CDH18: variants seen among roughly 807,000 people sequenced by gnomAD.
The protein encoded by CDH18 is cadherin-18.
In CDH18, 31 loss-of-function variants were observed where a neutral mutation model predicts 67.9. The ratio of observed to expected loss-of-function variants is 0.46; its 90% CI spans 0.34 to 0.62. CDH18 has a LOEUF of 0.62. Among genes scored for constraint, CDH18 ranks in the 20% least tolerant of loss-of-function variants. The probability of loss-of-function intolerance (pLI) is 0.01; values close to 1 mark genes in which losing one functional copy is unlikely to be tolerated. For synonymous variants in CDH18, 362 were observed against 347.2 expected (o/e 1.04, Z -0.48); for missense variants, 890 against 975.5 (o/e 0.91, Z 1.17).
At chr5:19,691,651 C>T (rs976952706) in intron 5 of CDH18, among the ~76,000 whole-genome samples, 1 of 151,442 alleles carries the variant, frequency 6.6e-6, no homozygotes, top group African/African-American at 2.4e-5. Flanking sequence ...TATAAAAATA[C>T]CTAGGAATAA....
At chr5:19,624,123 T>C (rs1751142422) in intron 5 of CDH18, among the ~76,000 whole-genome samples, 1 of 151,590 alleles carries the variant, frequency 6.6e-6, no homozygotes, top group South Asian at 2.1e-4. Flanking sequence ...TTCTCCTGTC[T>C]CAGTCTCCCG....
At chr5:20,279,475 G>A (rs980902667) in intron 1 of CDH18, among the ~76,000 whole-genome samples, 2 of 151,772 alleles carry the variant, frequency 1.3e-5, no homozygotes, top group Admixed American at 6.6e-5. Context: ...GAGGCAGGTG[G>A]ATCACCTGAG....
rs535004918 is a variant in CDH18 at position 19,952,607 on chromosome 5, T to C, written c.-257+28453A>G. On this transcript the variant is annotated intron_variant, in intron 2 of 12. Coordinates refer to ENST00000382275, the MANE Select transcript of CDH18 (RefSeq NM_004934.5). Reference sequence around the variant, plus strand: ...GTTTATTTCACAGAATAAATAAACATATTAATATCCTTAAAAATAAAACTA... The same window carrying C: ...GTTTATTTCACAGAATAAATAAACACATTAATATCCTTAAAAATAAAACTA... Among the ~76,000 whole-genome samples, 5 of 152,290 alleles carry C rather than the reference T, an allele frequency of 3.3e-5. No homozygotes were observed. In the South Asian group the frequency reaches 1.0e-3, roughly 32 times the overall value.
intron 2 of CDH18, among the ~76,000 whole-genome samples, chr5:19,910,339 C>T (rs1415528390): frequency 6.6e-6 from 1 of 152,116 alleles, no homozygotes; most frequent in Non-Finnish European, 1.5e-5. Flanking sequence ...TTATATCACC[C>T]CAGAGTGCAA....
At chr5:20,559,685 G>A (rs781504560) in intron 1 of CDH18, among the ~76,000 whole-genome samples, 30 of 151,990 alleles carry the variant, frequency 2.0e-4, no homozygotes, top group Middle Eastern at 3.2e-3. Context: ...ACAGAAATGT[G>A]AAGAATATTG....
chr5:19,747,651 G>GA (rs952435662), intron 3 of CDH18, among the ~76,000 whole-genome samples: 2 of 150,254 alleles, frequency 1.3e-5, no homozygotes, highest in Non-Finnish European at 3.0e-5. Context: ...TTTATGACTA[G>GA]AAAAAAAATA....
At position 20,009,660 on chromosome 5, in the gene CDH18, A is replaced by C. The variant is rs1399169839; in HGVS notation, c.-517-17646T>G. ...ATAAAAAGTCAAATAATTATTGTAA[A>C]AGAGGTTCATGATAACAGGAGAGCA... On this transcript the variant is annotated intron_variant, in intron 2 of 14. Coordinates refer to the CDH18 transcript ENST00000507958. Among the ~76,000 whole-genome samples the C allele has an allele frequency of 3.9e-5, 6 of 152,292 alleles. No individual in the cohort carries two copies. The East Asian group carries it at 1.2e-3, about 29-fold the overall frequency.
chr5:20,167,133 T>A (rs147971813), intron 2 of CDH18, among the ~76,000 whole-genome samples: 173 of 152,270 alleles, frequency 1.1e-3, no homozygotes, highest in Middle Eastern at 3.4e-3. Context: ...TATATGATTA[T>A]CAAAAATTAT....
intron 1 of CDH18, among the ~76,000 whole-genome samples, chr5:20,449,408 G>A (rs1438989944): frequency 4.0e-5 from 6 of 151,858 alleles, no homozygotes; most frequent in Non-Finnish European, 8.8e-5. Flanking sequence ...GAGAATATAA[G>A]ACTAAACATA....
chr5:20,207,209 G>A (rs996209505), intron 2 of CDH18, among the ~76,000 whole-genome samples: 3 of 151,640 alleles, frequency 2.0e-5, no homozygotes, highest in Non-Finnish European at 4.4e-5. Flanking sequence ...ATTGAACAAT[G>A]TGAAAAAAAT....
At chr5:19,855,258 C>T (rs971436743) in intron 2 of CDH18, among the ~76,000 whole-genome samples, 1 of 152,090 alleles carries the variant, frequency 6.6e-6, no homozygotes, top group African/African-American at 2.4e-5. Flanking sequence ...AATCACCTTT[C>T]GGGTACCAAT....
At chr5:20,308,837 A>G (rs1057475786) in intron 1 of CDH18, among the ~76,000 whole-genome samples, 2 of 150,634 alleles carry the variant, frequency 1.3e-5, no homozygotes, top group Non-Finnish European at 3.0e-5. Flanking sequence ...ATACCTAGAT[A>G]TAGACAATTA....
chr5:20,418,042 T>A (rs570637535), intron 1 of CDH18, among the ~76,000 whole-genome samples: 24 of 152,188 alleles, frequency 1.6e-4, no homozygotes, highest in Admixed American at 6.6e-4. Flanking sequence ...TTTCCACAGA[T>A]AAAGAGACTA....
At chr5:19,699,056 T>C (rs985435155) in intron 5 of CDH18, among the ~76,000 whole-genome samples, 1 of 152,300 alleles carries the variant, frequency 6.6e-6, no homozygotes. Context: ...TGAACTATTA[T>C]ATGAGTTATA....
At chr5:20,141,773 A>G (rs1005820047) in intron 2 of CDH18, among the ~76,000 whole-genome samples, 1 of 152,130 alleles carries the variant, frequency 6.6e-6, no homozygotes, top group Non-Finnish European at 1.5e-5. Context: ...AACATCTGAA[A>G]TGTAGGCAGT....
rs1798766661 is a variant in CDH18 at position 19,979,003 on chromosome 5, G to GC, written c.-257+2056dup. Among the ~76,000 whole-genome samples, 4 of 152,084 alleles carry GC rather than the reference G, an allele frequency of 2.6e-5. No homozygotes were observed. The South Asian group carries it at 8.3e-4, about 31-fold the overall frequency. On this transcript the variant is annotated intron_variant, in intron 2 of 12. Transcript: ENST00000382275. The stretch of plus-strand genomic sequence containing the variant: ...ATGCTAGCATTCAAGGTAGTCACAC[G>GC]CAGCACTTATACATTAATATGTTTG...
chr5:20,380,810 A>G (rs1743846519), intron 1 of CDH18, among the ~76,000 whole-genome samples: 1 of 152,226 alleles, frequency 6.6e-6, no homozygotes. Flanking sequence ...AAAAAGGAAC[A>G]GGATTATACT....
chr5:19,483,969 C>T (rs1739936405), intron 11 of CDH18, among the ~76,000 whole-genome samples: 1 of 152,122 alleles, frequency 6.6e-6, no homozygotes, highest in Non-Finnish European at 1.5e-5. Flanking sequence ...GTATTTTTAG[C>T]AAACTACTGA....
At chr5:19,896,742 C>T (rs1579479005) in intron 2 of CDH18, among the ~76,000 whole-genome samples, 1 of 152,172 alleles carries the variant, frequency 6.6e-6, no homozygotes, top group African/African-American at 2.4e-5. Context: ...CAAATAAATA[C>T]ATATGCAAAC....
Sources: allele counts gnomAD v4.1 joint callset (sites outside exome capture counted in the v4.1 genomes callset), GRCh38; gene constraint gnomAD v4.1.1; transcripts MANE v1.5; gene names NCBI Gene and HGNC (gene_info 2026-07-23, HGNC 2026-07-21).